Variants in CTC1 observed in about 807,000 individuals in gnomAD.
CTC1 encodes the protein CST telomere replication complex component 1.
A neutral mutation model predicts 136.3 loss-of-function variants in CTC1; 91 were observed. The observed-to-expected ratio is 0.67, with a 90% confidence interval of 0.56 to 0.79. The LOEUF is 0.79. CTC1 is among the 30% of genes least tolerant of loss of function. The probability of loss-of-function intolerance (pLI) is 0.00; values close to 1 mark genes in which losing one functional copy is unlikely to be tolerated. For missense variants in CTC1, 1,432 were observed against 1,498.1 expected, an observed-to-expected ratio of 0.96 and a Z score of 0.73; for synonymous variants, 606 against 613.8, an observed-to-expected ratio of 0.99 and a Z score of 0.19.
At chr17:8,239,975 A>G (rs1988072441) in intron 2 of CTC1, among the ~76,000 whole-genome samples, 1 of 152,112 alleles carries the variant, frequency 6.6e-6, no homozygotes, top group African/African-American at 2.4e-5. Context: ...GTCAGGCACA[A>G]CGCTGAATTT....
At position 8,232,361 on chromosome 17, in the gene CTC1, C is replaced by T; in HGVS notation, c.2060G>A (p.Arg687Lys). Residue 687 changes from arginine to lysine, a missense_variant and splice_region_variant, in exon 12 of 23, where the codon AGA becomes AAA. Physicochemically the swap from Arg to Lys is conservative, Grantham distance 26. Transcript: ENST00000651323. ...ACAACCATGACCCCAAGGAGCCAAC[C>T]TGGCCTGCTGCTTCTGGATGAAGCC... ...MPGFIQKQQA[R>K]VYVQFFLADA... 1 of 1,613,588 alleles carries T rather than the reference C, an allele frequency of 6.2e-7. No individual in the cohort carries two copies. Among genetic ancestry groups the T allele is most frequent in the Non-Finnish European group, 8.5e-7 (1 of 1,179,662 alleles).
chr17:8,241,710 G>A (rs1988232918), intron 2 of CTC1, among the ~76,000 whole-genome samples: 1 of 151,762 alleles, frequency 6.6e-6, no homozygotes, highest in South Asian at 2.1e-4. Flanking sequence ...GAGGGTTCGA[G>A]ACCAGTGTGG....
rs2151532342 is a variant in CTC1 at position 8,238,635 on chromosome 17, G to A, written c.198-6C>T. 6.3e-7 allele frequency: 1 copy of A among 1,581,870 alleles called. No homozygotes were observed. Among genetic ancestry groups the A allele is most frequent in the Non-Finnish European group, 8.6e-7 (1 of 1,162,456 alleles). ...GGTCCTGTACTGAGACGAAGCTGTAGAGTGAAGGGAACAGAGGTCCTGCAA... is the reference window on the plus strand; with the variant it reads ...GGTCCTGTACTGAGACGAAGCTGTAAAGTGAAGGGAACAGAGGTCCTGCAA... On this transcript the variant is annotated splice_polypyrimidine_tract_variant and splice_region_variant and intron_variant, in intron 2 of 22. Transcript: ENST00000651323.
chr17:8,232,614 C>T (rs1419553815), intron 11 of CTC1, 139 bp from the exon 12 acceptor site: 1 of 716,982 alleles, frequency 1.4e-6, no homozygotes, highest in Non-Finnish European at 2.4e-6. Context: ...CACACCTGAC[C>T]CCCACCTTAG....
intron 7 of CTC1, 92 bp from the exon 8 acceptor site, chr17:8,235,377 G>T: frequency 1.1e-6 from 1 of 946,946 alleles, no homozygotes; most frequent in Non-Finnish European, 1.6e-6. Flanking sequence ...CACTGCCTGG[G>T]TTCCAGGAAG....
Position 8,228,795 on chromosome 17 carries a change from G to A in CTC1, c.3319C>T (p.Leu1107Phe), listed in dbSNP as rs1384475473. The stretch of plus-strand genomic sequence containing the variant: ...CCTGGCACTTGGACGAAATCTAGGA[G>A]GGAGGCCCACTCTCTAGGACACAGC... ...LGLCPREWAS[L>F]LDFVQVPGRV... Residue 1107 changes from leucine (L) to phenylalanine (F), a missense_variant, in exon 21 of 23, where the codon CTC becomes TTC. Physicochemically the swap from Leu to Phe is conservative, Grantham distance 22. Coordinates refer to ENST00000651323, the MANE Select transcript of CTC1 (RefSeq NM_025099.6). 6.2e-7 allele frequency: 1 copy of A among 1,614,012 alleles called. No individual in the cohort carries two copies. Among genetic ancestry groups the A allele is most frequent in the Non-Finnish European group, 8.5e-7 (1 of 1,180,034 alleles).
In CTC1 at chr17:8,230,391, G is replaced by A; in HGVS notation, c.2836C>T (p.Leu946=). 5 of 1,614,156 alleles carry A rather than the reference G, an allele frequency of 3.1e-6. No individual in the cohort carries two copies. Among genetic ancestry groups the A allele is most frequent in the Non-Finnish European group, 4.2e-6 (5 of 1,180,016 alleles). Reference sequence around the variant, plus strand: ...TGTGGGTCTTCTATATATACATCCAGGTGAGGGGGGAATTCACATTCAGCA... The same window carrying A: ...TGTGGGTCTTCTATATATACATCCAAGTGAGGGGGGAATTCACATTCAGCA... ...ETAECEFPPH[L]DVYIEDPHLP... Residue 946 remains leucine (L), a synonymous_variant, in exon 17 of 23, where the codon CTG becomes TTG. Coordinates refer to ENST00000651323, the MANE Select transcript of CTC1 (RefSeq NM_025099.6).
chr17:8,231,890 A>T lies in CTC1; in HGVS notation c.2385+13T>A, dbSNP rs1364913949. 2.5e-6 allele frequency: 4 copies of T among 1,613,656 alleles called. No homozygotes were observed. Among genetic ancestry groups the T allele is most frequent in the Non-Finnish European group, 2.5e-6 (3 of 1,179,724 alleles). The stretch of plus-strand genomic sequence containing the variant: ...CGCAGGTCAGGTCCTGGGTCCCTGG[A>T]GTCCCAGTTTACCTTCTGATCATTG... On this transcript the variant is annotated intron_variant, in intron 13 of 22. Transcript: ENST00000651323.
Position 8,234,479 on chromosome 17 carries a change from C to T in CTC1, c.1794G>A (p.Leu598=), listed in dbSNP as rs1171819624. 3.2e-6 allele frequency: 5 copies of T among 1,552,308 alleles called. No individual in the cohort carries two copies. Among genetic ancestry groups the T allele is most frequent in the Admixed American group, 3.9e-5 (2 of 51,030 alleles). The change falls in exon 10 of 23, where the codon CTG becomes CTA. Residue 598 remains leucine, a synonymous_variant. Coordinates refer to ENST00000651323, the MANE Select transcript of CTC1 (RefSeq NM_025099.6). ...CCTGGGCTGGGCAGAAGGCAGAGGG[C>T]AGCAGACAGAGCCAGGACCAAGCCA... is the stretch of plus-strand genomic sequence containing the variant. ...RRLAWSWLCL[L]PSAFCPAQVL...
chr17:8,231,311 C>A lies in CTC1; in HGVS notation c.2634G>T (p.Leu878Phe), dbSNP rs1987202232. 6.3e-7 allele frequency: 1 copy of A among 1,598,034 alleles called. No individual in the cohort carries two copies. Among genetic ancestry groups the A allele is most frequent in the Non-Finnish European group, 8.6e-7 (1 of 1,168,280 alleles). Residue 878 changes from leucine to phenylalanine, a missense_variant, in exon 15 of 23, where the codon TTG becomes TTT. Physicochemically the swap from Leu to Phe is conservative, Grantham distance 22. Transcript: ENST00000651323. ...IQDVLDANKSLPESSLTDLLS... is the reference protein window; with the variant it reads ...IQDVLDANKSFPESSLTDLLS... ...GCAGGTCGGTCAGTGAGGATTCAGG[C>A]AATGACTTGTTTGCATCCAGCACAT...
intron 2 of CTC1, among the ~76,000 whole-genome samples, chr17:8,239,688 C>A (rs992321632): frequency 1.3e-5 from 2 of 152,058 alleles, no homozygotes; most frequent in Non-Finnish European, 2.9e-5. Context: ...TCCCAAAGTG[C>A]TGGGATTACA....
At chr17:8,242,895 TG>T (rs1988388632) in intron 2 of CTC1, 89 bp downstream of exon 2, 2 of 1,219,838 alleles carry the variant, frequency 1.6e-6, no homozygotes, top group South Asian at 3.1e-5. Context: ...CTCTCTCACT[TG>T]CCCTTTTTCT....
At chr17:8,242,921 A>G (rs1241517326) in intron 2 of CTC1, 64 bp downstream of exon 2, 2 of 1,457,874 alleles carry the variant, frequency 1.4e-6, no homozygotes, top group East Asian at 2.5e-5. Context: ...ATAGAACCTT[A>G]CTTTTCAATC....
In CTC1 at chr17:8,226,980, A is replaced by T. The variant is rs80097010; in HGVS notation, c.*1200T>A. ...CAGAAAACAAAACACACACAAAAAA[A>T]AGCCACCCACTGGCCCGTACGGGGT... On this transcript the variant is annotated 3_prime_UTR_variant, in exon 23 of 23. Transcript: ENST00000651323. The T allele has an allele frequency of 6.6e-6, 1 of 152,474 alleles. No individual in the cohort carries two copies. The highest frequency in any genetic ancestry group is 1.9e-4 in the East Asian group (1 of 5,190). The allele number at this position is 152,474 out of a possible 1,614,324, so 9.4% of individuals were successfully genotyped here. A position where few individuals can be genotyped will look rare whatever the true frequency, so the allele number is the denominator to read the frequency against.
rs115212582 is a variant in CTC1 at position 8,231,646 on chromosome 17, C to G, written c.2475+80G>C. ...TTCTTCCAGGAGGCCTAGAGAATGA[C>G]CAGGCACTGGCATGCCCTCTTTAGA... On this transcript the variant is annotated intron_variant, in intron 14 of 22. Transcript: ENST00000651323. 476 of 1,377,260 alleles carry G rather than the reference C, an allele frequency of 3.5e-4. 2 individuals are homozygous for G. In the African/African-American group the frequency reaches 5.9e-3, roughly 17 times the overall value. 85.3% of individuals were successfully genotyped at this position (1,377,260 alleles called of 1,614,324 possible).
Position 8,226,749 on chromosome 17 carries a change from A to G in CTC1, c.*1431T>C, listed in dbSNP as rs970534043. 2 of 152,164 alleles carry G rather than the reference A, an allele frequency of 1.3e-5. No individual in the cohort carries two copies. The highest frequency in any genetic ancestry group is 4.8e-5 in the African/African-American group (2 of 41,422). The allele number at this position is 152,164 out of a possible 1,614,324, so 9.4% of individuals were successfully genotyped here. A position where few individuals can be genotyped will look rare whatever the true frequency, so the allele number is the denominator to read the frequency against. ...TTCTTACTTCCCTTGACTGACAAACATCTGCCTCCATGAAAGCGCTTCAGG... is the reference window on the plus strand; with the variant it reads ...TTCTTACTTCCCTTGACTGACAAACGTCTGCCTCCATGAAAGCGCTTCAGG... On this transcript the variant is annotated 3_prime_UTR_variant, in exon 23 of 23. Coordinates refer to ENST00000651323, the MANE Select transcript of CTC1 (RefSeq NM_025099.6).
chr17:8,238,997 C>A (rs946489402), intron 2 of CTC1, among the ~76,000 whole-genome samples: 1 of 144,966 alleles, frequency 6.9e-6, no homozygotes, highest in Non-Finnish European at 1.5e-5. Context: ...GATGCTGAGG[C>A]AGAAGAATTG....
At chr17:8,246,206 CAAAAAA>C (rs57484918) in intron 1 of CTC1, among the ~76,000 whole-genome samples, 9 of 87,312 alleles carry the variant, frequency 1.0e-4, no homozygotes, top group Admixed American at 4.8e-4. Context: ...GACCTTGTTT[CAAAAAA>C]AAAAAAAAAA....
rs201492796 is a variant in CTC1, at chr17:8,243,035, G to C, written c.147C>G (p.Val49=). 1.2e-6 allele frequency: 2 copies of C among 1,613,824 alleles called. No homozygotes were observed. The highest frequency in any genetic ancestry group is 2.2e-5 in the South Asian group (2 of 90,968). ...CTTGGTTCCTTCCCTGGGACAACCA[G>C]ACAGTCTTCACACAATCAATTACCA... is the stretch of plus-strand genomic sequence containing the variant. ...TPLVIDCVKT[V]WLSQGRNQGS... is the part of the protein sequence containing the mutation. The change falls in exon 2 of 23, where the codon GTC becomes GTG. Residue 49 remains valine, a synonymous_variant. Transcript: ENST00000651323.
Sources: allele counts gnomAD v4.1 joint callset (sites outside exome capture counted in the v4.1 genomes callset), GRCh38; gene constraint gnomAD v4.1.1; transcripts MANE v1.5; gene names NCBI Gene and HGNC (gene_info 2026-07-23, HGNC 2026-07-21).